Variants in SLC4A1AP observed in about 807,000 individuals in gnomAD.
SLC4A1AP encodes the protein solute carrier family 4 member 1 adaptor protein, also known as kanadaptin.
SLC4A1AP carries 64 observed loss-of-function variants against 89.7 expected under a neutral mutation model. The ratio of observed to expected loss-of-function variants is 0.71; its 90% confidence interval spans 0.58 to 0.88. The LOEUF is 0.88. SLC4A1AP is among the 40% of genes least tolerant of loss of function. The pLI, the probability that SLC4A1AP is intolerant of heterozygous loss-of-function variation, is 0.00. For missense variants in SLC4A1AP, 931 were observed against 965.0 expected, an observed-to-expected ratio of 0.96 and a Z score of 0.47; for synonymous variants, 366 against 353.3, an observed-to-expected ratio of 1.04 and a Z score of -0.40.
intron 5 of SLC4A1AP, among the ~76,000 whole-genome samples, chr2:27,674,033 TGTGA>T (rs774895175): frequency 7.3e-5 from 11 of 149,856 alleles, no homozygotes; most frequent in African/African-American, 1.7e-4. Context: ...TGTGTGTGTC[TGTGA>T]GTGAGTCTGT....
chr2:27,677,668 G>A, intron 7 of SLC4A1AP, 70 bp from the exon 8 acceptor site: 10 of 1,320,598 alleles, frequency 7.6e-6, no homozygotes, highest in Non-Finnish European at 1.0e-5. Context: ...CTTTTATATG[G>A]AAACTTTGGC....
rs1675270466 is a variant in SLC4A1AP at position 27,664,515 on chromosome 2, T to TG, written c.764dup (p.Cys255TrpfsTer60). 1 of 1,614,184 alleles carries TG rather than the reference T, an allele frequency of 6.2e-7. No homozygotes were observed. Among genetic ancestry groups the TG allele is most frequent in the Non-Finnish European group, 8.5e-7 (1 of 1,180,020 alleles). On this transcript the variant is annotated frameshift_variant, in exon 1 of 14. Transcript: ENST00000613058. LOFTEE classifies it high-confidence loss of function. ...AACTCGCATCCCACCTCGCACCTAC[T>TG]GTCGAGTCCACGTTGGGCATGTTGT...
At chr2:27,675,495 T>A (rs775136618) in intron 5 of SLC4A1AP, 37 bp from the exon 6 acceptor site, 7 of 1,464,782 alleles carry the variant, frequency 4.8e-6, no homozygotes, top group Admixed American at 2.2e-5. Flanking sequence ...TTTTCTTTTT[T>A]AAAAACTTAT....
At position 27,685,190 on chromosome 2, in the gene SLC4A1AP, CCA is replaced by C; in HGVS notation, c.2032_2033del (p.Gln678AlafsTer22). ...ACTGGAGGATGGAAGCCTCAGTAGG[CCA>C]CAGCCAGAGATAGAGCCAGAAGCAG... is the stretch of plus-strand genomic sequence containing the variant. On this transcript the variant is annotated frameshift_variant, in exon 10 of 14. Transcript: ENST00000613058. LOFTEE classifies it high-confidence loss of function. The C allele has an allele frequency of 6.2e-7, 1 of 1,614,104 alleles. No individual in the cohort carries two copies.
chr2:27,669,464 T>TG, intron 5 of SLC4A1AP, 77 bp downstream of exon 5: 3 of 1,340,440 alleles, frequency 2.2e-6, no homozygotes, highest in Non-Finnish European at 2.0e-6. Context: ...AACTTCTTTA[T>TG]GGGGGGAAAA....
intron 5 of SLC4A1AP, 30 bp downstream of exon 5, chr2:27,669,417 A>AT (rs1675385809): frequency 2.1e-6 from 3 of 1,448,984 alleles, no homozygotes; most frequent in Non-Finnish European, 1.8e-6. Context: ...TTTTTTCTAG[A>AT]TTTAAAAAAA....
At chr2:27,680,227 A>G (rs1675597451) in intron 8 of SLC4A1AP, among the ~76,000 whole-genome samples, 1 of 152,144 alleles carries the variant, frequency 6.6e-6, no homozygotes, top group Non-Finnish European at 1.5e-5. Context: ...TTGATTGCCA[A>G]TGGGGAAGGC....
rs564695991 is a variant in SLC4A1AP, at chr2:27,693,599, A to G, written c.2272-86A>G. ...AATGTTTATTCTGCTTAAGGAGGCT[A>G]ACAATAGGACCCCAATCCCTTCTGC... On this transcript the variant is annotated intron_variant, in intron 12 of 13. Coordinates refer to ENST00000613058, the Ensembl canonical transcript of SLC4A1AP. The G allele has an allele frequency of 1.5e-5, 16 of 1,038,198 alleles. No individual in the cohort carries two copies. In the South Asian group the frequency reaches 2.3e-4, roughly 15 times the overall value. 64.3% of individuals were successfully genotyped at this position (1,038,198 alleles called of 1,614,324 possible).
chr2:27,685,049 A>C lies in SLC4A1AP; in HGVS notation c.1888A>C (p.Lys630Gln), dbSNP rs762664041. 5 of 1,604,564 alleles carry C rather than the reference A, an allele frequency of 3.1e-6. No homozygotes were observed. The South Asian group carries it at 4.5e-5, about 14-fold the overall frequency. The change falls in exon 10 of 14, where the codon AAG (lysine) becomes CAG (glutamine). Residue 630 changes from lysine to glutamine, a missense_variant. Physicochemically the swap from Lys to Gln is moderately conservative, Grantham distance 53. Transcript: ENST00000613058. ...GTTTCCCTCTTAGAAGTTACCCCCC[A>C]AGCGTCCAGAACTCCCTCCAACTCT... is the stretch of plus-strand genomic sequence containing the variant.
chr2:27,668,942 G>C, intron 4 of SLC4A1AP, 39 bp downstream of exon 4: 1 of 1,586,714 alleles, frequency 6.3e-7, no homozygotes. Flanking sequence ...TCTGGAAAAT[G>C]GCCAATTTCA....
At chr2:27,674,981 C>G (rs1254557521) in intron 5 of SLC4A1AP, among the ~76,000 whole-genome samples, 1 of 152,090 alleles carries the variant, frequency 6.6e-6, no homozygotes, top group African/African-American at 2.4e-5. Context: ...CTGGGATTAC[C>G]ATGCCTGGCC....
In SLC4A1AP at chr2:27,687,923, G is replaced by A; in HGVS notation, c.2117-11G>A. 1 of 1,603,032 alleles carries A rather than the reference G, an allele frequency of 6.2e-7. No homozygotes were observed. The highest frequency in any genetic ancestry group is 8.5e-7 in the Non-Finnish European group (1 of 1,170,838). On this transcript the variant is annotated splice_polypyrimidine_tract_variant and intron_variant, in intron 10 of 13. Coordinates refer to ENST00000613058, the Ensembl canonical transcript of SLC4A1AP. The stretch of plus-strand genomic sequence containing the variant: ...AATCATGACAATATGATTTGATATT[G>A]CTTTTTATAGAAAACATGTCTCAAC...
At position 27,673,990 on chromosome 2, in the gene SLC4A1AP, TTGTGTGTGTGTGTGTGTGTGTGTG is replaced by T. The variant is rs56759152; in HGVS notation, c.1346-1524_1346-1501del. Reference sequence around the variant, plus strand: ...TCAGCATCACCAGGACATATACAAGTTGTGTGTGTGTGTGTGTGTGTGTGTGTGTGTGTGTGTGTGTCTGTGAGT... The same window carrying T: ...TCAGCATCACCAGGACATATACAAGTTGTGTGTGTGTGTGTGTCTGTGAGT... On this transcript the variant is annotated intron_variant, in intron 5 of 13. Coordinates refer to ENST00000613058, the Ensembl canonical transcript of SLC4A1AP. Among the ~76,000 whole-genome samples the T allele has an allele frequency of 2.0e-5, 3 of 148,554 alleles. No individual in the cohort carries two copies. The South Asian group carries it at 6.5e-4, about 32-fold the overall frequency.
intron 6 of SLC4A1AP, among the ~76,000 whole-genome samples, chr2:27,676,477 CTG>C (rs1675524959): frequency 1.3e-5 from 2 of 152,246 alleles, no homozygotes; most frequent in East Asian, 1.9e-4. Flanking sequence ...CTGTTTAATT[CTG>C]TGTTTTTTAA....
rs143454117 is a variant in SLC4A1AP, at chr2:27,685,818, C to T, written c.2116+541C>T. 1.3e-3 allele frequency among the ~76,000 whole-genome samples: 193 copies of T among 152,122 alleles called. 1 individual carries two copies. The highest frequency in any genetic ancestry group is 4.5e-3 in the African/African-American group (187 of 41,484). ...ATATTTGATGAAAAATGTTGAAAGA[C>T]GGAATAGATTGATATTCATATAGAT... On this transcript the variant is annotated intron_variant, in intron 10 of 13. Coordinates refer to ENST00000613058, the Ensembl canonical transcript of SLC4A1AP.
At chr2:27,688,834 A>C in intron 12 of SLC4A1AP, 67 bp downstream of exon 12, 2 of 1,202,770 alleles carry the variant, frequency 1.7e-6, no homozygotes, top group South Asian at 1.4e-5. Context: ...CAGAAAAGTG[A>C]ATCTTTGGAG....
chr2:27,673,990 T>TTGTGTGTGTGTG (rs56759152), intron 5 of SLC4A1AP, among the ~76,000 whole-genome samples: 2 of 148,554 alleles, frequency 1.3e-5, no homozygotes, highest in South Asian at 2.2e-4. Context: ...CATATACAAG[T>TTGTGTGTGTGTG]TGTGTGTGTG....
intron 8 of SLC4A1AP, among the ~76,000 whole-genome samples, chr2:27,680,155 A>G (rs1267584471): frequency 6.6e-6 from 1 of 152,124 alleles, no homozygotes; most frequent in Non-Finnish European, 1.5e-5. Context: ...TGATAAAGGG[A>G]ATCTGGGAGG....
chr2:27,682,367 G>A lies in SLC4A1AP; in HGVS notation c.1875+8G>A, dbSNP rs1675632933. 2 of 1,545,732 alleles carry A rather than the reference G, an allele frequency of 1.3e-6. No individual in the cohort carries two copies. The highest frequency in any genetic ancestry group is 1.8e-6 in the Non-Finnish European group (2 of 1,122,406). On this transcript the variant is annotated splice_region_variant and intron_variant, in intron 9 of 13. Coordinates refer to ENST00000613058, the Ensembl canonical transcript of SLC4A1AP. ...AAAACTGGAACAGTAGGGGTAAGTT[G>A]TGAGTCAGGGTGTTAAACTTTTAGC... is the stretch of plus-strand genomic sequence containing the variant.
Sources: allele counts gnomAD v4.1 joint callset (sites outside exome capture counted in the v4.1 genomes callset), GRCh38; gene constraint gnomAD v4.1.1; transcripts MANE v1.5; gene names NCBI Gene and HGNC (gene_info 2026-07-23, HGNC 2026-07-21).